The following CCDC85A variants were observed in gnomAD, a reference collection of about 807,000 sequenced individuals.
CCDC85A encodes coiled-coil domain-containing protein 85A.
Under a neutral mutation model 50.2 loss-of-function variants are expected in CCDC85A, and 38 were observed. The observed-to-expected ratio is 0.76, with a 90% CI of 0.58 to 0.99. The LOEUF (loss-of-function observed/expected upper bound fraction) is 0.99. Among genes scored for constraint, CCDC85A ranks in the 50% least tolerant of loss-of-function variants. CCDC85A has a pLI of 0.00. For missense variants in CCDC85A, 820 were observed against 742.0 expected, an observed-to-expected ratio of 1.11 and a Z score of -1.22; for synonymous variants, 366 against 301.4, an observed-to-expected ratio of 1.21 and a Z score of -2.22.
At chr2:56,242,181 A>G (rs1389481936) in intron 2 of CCDC85A, among the ~76,000 whole-genome samples, 1 of 151,906 alleles carries the variant, frequency 6.6e-6, no homozygotes, top group Non-Finnish European at 1.5e-5. Context: ...GGATTATTAC[A>G]TTTTTTCCCT....
rs923012204 is a variant in CCDC85A, at chr2:56,281,776, T to C, written c.1241-61103T>C. On this transcript the variant is annotated intron_variant, in intron 2 of 5. Coordinates refer to ENST00000407595, the MANE Select transcript of CCDC85A (RefSeq NM_001080433.2). Reference sequence around the variant, plus strand: ...TTATCTTTTTCATGAATTTTTAGAGTTCTTTATATATTCTGTAATCAAGTA... The same window carrying C: ...TTATCTTTTTCATGAATTTTTAGAGCTCTTTATATATTCTGTAATCAAGTA... 2.6e-5 allele frequency among the ~76,000 whole-genome samples: 4 copies of C among 152,152 alleles called. No individual in the cohort carries two copies. The South Asian group carries it at 8.3e-4, about 31-fold the overall frequency.
chr2:56,184,524 G>A lies in CCDC85A; in HGVS notation c.-101G>A. 6 of 1,228,618 alleles carry A rather than the reference G, an allele frequency of 4.9e-6. No homozygotes were observed. In the South Asian group the frequency reaches 1.4e-4, roughly 29 times the overall value. 76.1% of individuals were successfully genotyped at this position (1,228,618 alleles called of 1,614,324 possible). A position where few individuals can be genotyped will look rare whatever the true frequency, so the allele number is the denominator to read the frequency against. On this transcript the variant is annotated 5_prime_UTR_variant, in exon 1 of 6. Coordinates refer to ENST00000407595, the MANE Select transcript of CCDC85A (RefSeq NM_001080433.2). ...CCTGGGCGGTGCCGCTGACTCGCCG[G>A]AGCGCACAGGGGTGTGGGCGGAGGC...
At chr2:56,228,564 G>T (rs185672022) in intron 2 of CCDC85A, among the ~76,000 whole-genome samples, 6 of 148,928 alleles carry the variant, frequency 4.0e-5, no homozygotes. Context: ...ACAGAGTTTC[G>T]CTCTGTCCCC....
intron 2 of CCDC85A, 69 bp downstream of exon 2, chr2:56,193,509 A>C: frequency 6.8e-7 from 1 of 1,471,208 alleles, no homozygotes; most frequent in Non-Finnish European, 9.0e-7. Context: ...ATGATGATGG[A>C]CTTTCCAGCC....
At chr2:56,333,323 A>C (rs1673907452) in intron 2 of CCDC85A, among the ~76,000 whole-genome samples, 1 of 152,160 alleles carries the variant, frequency 6.6e-6, no homozygotes, top group Non-Finnish European at 1.5e-5. Context: ...GACTGGGGAC[A>C]GAGCATTCCA....
chr2:56,200,080 G>C (rs1430571816), intron 2 of CCDC85A, among the ~76,000 whole-genome samples: 2 of 152,142 alleles, frequency 1.3e-5, no homozygotes, highest in Non-Finnish European at 1.5e-5. Context: ...TGTTAGCCAG[G>C]ATGGTCTCCA....
intron 2 of CCDC85A, among the ~76,000 whole-genome samples, chr2:56,235,795 T>C (rs1377356556): frequency 6.6e-6 from 1 of 151,900 alleles, no homozygotes; most frequent in Non-Finnish European, 1.5e-5. Context: ...GGGTGGAGAG[T>C]TAATAAAAAA....
At chr2:56,291,005 A>T (rs1482147590) in intron 2 of CCDC85A, among the ~76,000 whole-genome samples, 23 of 152,212 alleles carry the variant, frequency 1.5e-4, no homozygotes, top group Non-Finnish European at 4.4e-5. Context: ...GATTCATTTG[A>T]CCATGTAACT....
At chr2:56,267,440 A>T (rs966640967) in intron 2 of CCDC85A, among the ~76,000 whole-genome samples, 5 of 152,194 alleles carry the variant, frequency 3.3e-5, no homozygotes. Context: ...CACTTAAATC[A>T]TTTCAACTAT....
At chr2:56,204,902 C>T (rs1255683026) in intron 2 of CCDC85A, among the ~76,000 whole-genome samples, 8 of 152,286 alleles carry the variant, frequency 5.3e-5, no homozygotes, top group Middle Eastern at 3.4e-3. Context: ...GAACACCTCT[C>T]GGCAAACGGG....
intron 2 of CCDC85A, among the ~76,000 whole-genome samples, chr2:56,250,894 T>C (rs1323611929): frequency 6.6e-6 from 1 of 152,236 alleles, no homozygotes; most frequent in Non-Finnish European, 1.5e-5. Context: ...TTTTTTTCTT[T>C]CTGTCATATT....
chr2:56,283,014 C>T (rs113775201), intron 2 of CCDC85A, among the ~76,000 whole-genome samples: 5 of 151,956 alleles, frequency 3.3e-5, no homozygotes, highest in Admixed American at 6.6e-5. Flanking sequence ...TTGTATCCTA[C>T]GACAATATTA....
chr2:56,336,873 T>G (rs1256472751), intron 2 of CCDC85A, among the ~76,000 whole-genome samples: 1 of 152,132 alleles, frequency 6.6e-6, no homozygotes, highest in Non-Finnish European at 1.5e-5. Flanking sequence ...ATCAAGAATA[T>G]CTAAAGTCAG....
chr2:56,360,447 A>T (rs997726927), intron 3 of CCDC85A, among the ~76,000 whole-genome samples: 11 of 151,920 alleles, frequency 7.2e-5, no homozygotes, highest in African/African-American at 1.4e-4. Context: ...TTTTTTTTTT[A>T]AAAAGACATC....
intron 2 of CCDC85A, among the ~76,000 whole-genome samples, chr2:56,306,893 T>C (rs1389179490): frequency 6.6e-6 from 1 of 152,200 alleles, no homozygotes; most frequent in Non-Finnish European, 1.5e-5. Flanking sequence ...AGTTAATTTT[T>C]TTTTTCTAGC....
chr2:56,277,487 T>C (rs1330756655), intron 2 of CCDC85A, among the ~76,000 whole-genome samples: 2 of 152,214 alleles, frequency 1.3e-5, no homozygotes, highest in African/African-American at 4.8e-5. Flanking sequence ...TTTCTTTCCA[T>C]TTGACACTGG....
At chr2:56,352,385 C>G (rs868096652) in intron 3 of CCDC85A, among the ~76,000 whole-genome samples, 14 of 152,258 alleles carry the variant, frequency 9.2e-5, no homozygotes, top group South Asian at 2.1e-4. Context: ...GGCACTCGCT[C>G]TACAGGCTGG....
chr2:56,323,632 C>T (rs941668031), intron 2 of CCDC85A, among the ~76,000 whole-genome samples: 1 of 152,030 alleles, frequency 6.6e-6, no homozygotes, highest in Non-Finnish European at 1.5e-5. Context: ...GTAAATTTAT[C>T]AAATACACAA....
rs564487463 is a variant in CCDC85A at position 56,208,856 on chromosome 2, T to C, written c.1240+15416T>C. Among the ~76,000 whole-genome samples the C allele has an allele frequency of 2.6e-5, 4 of 152,220 alleles. No individual in the cohort carries two copies. The East Asian group carries it at 7.7e-4, about 29-fold the overall frequency. On this transcript the variant is annotated intron_variant, in intron 2 of 5. Transcript: ENST00000407595. ...AACATATCATGGTCTTTAGCATTCATTTATAAATACCATATAAAACAAAAT... is the reference window on the plus strand; with the variant it reads ...AACATATCATGGTCTTTAGCATTCACTTATAAATACCATATAAAACAAAAT...
Sources: allele counts gnomAD v4.1 joint callset (sites outside exome capture counted in the v4.1 genomes callset), GRCh38; gene constraint gnomAD v4.1.1; transcripts MANE v1.5; gene names NCBI Gene and HGNC (gene_info 2026-07-23, HGNC 2026-07-21).